Variants in LSAMP observed in about 807,000 individuals in gnomAD.
The protein encoded by LSAMP is limbic system associated membrane protein.
In LSAMP, 7 loss-of-function variants were observed where a neutral mutation model predicts 38.6. The observed-to-expected ratio is 0.18, with a 90% CI of 0.10 to 0.34. The LOEUF (loss-of-function observed/expected upper bound fraction) is 0.34, where lower values mean the gene tolerates loss of function less well. Ranked by LOEUF, LSAMP falls within the 10% of genes least tolerant of loss-of-function variation. LSAMP has a pLI of 1.00. For synonymous variants in LSAMP, 154 were observed against 166.8 expected, an observed-to-expected ratio of 0.92 and a Z score of 0.59; for missense variants, 313 against 420.0, an observed-to-expected ratio of 0.75 and a Z score of 2.23.
At chr3:116,106,785 A>C (rs1432622115) in intron 1 of LSAMP, among the ~76,000 whole-genome samples, 1 of 152,012 alleles carries the variant, frequency 6.6e-6, no homozygotes, top group Non-Finnish European at 1.5e-5. Flanking sequence ...CTAGACTAAG[A>C]GGTATTTTAG....
chr3:116,292,285 C>T (rs148273681), intron 1 of LSAMP, among the ~76,000 whole-genome samples: 369 of 152,224 alleles, frequency 2.4e-3, no homozygotes, highest in Admixed American at 4.3e-3. Context: ...GGTCTCACTA[C>T]GCAAAAGCAG....
At chr3:116,114,092 T>G (rs1034637062) in intron 1 of LSAMP, among the ~76,000 whole-genome samples, 4 of 152,148 alleles carry the variant, frequency 2.6e-5, no homozygotes, top group Admixed American at 1.3e-4. Flanking sequence ...TTCCAGAAAA[T>G]GGCTAACCAA....
At chr3:116,217,459 A>T (rs1276456603) in intron 1 of LSAMP, among the ~76,000 whole-genome samples, 1 of 152,206 alleles carries the variant, frequency 6.6e-6, no homozygotes, top group Non-Finnish European at 1.5e-5. Flanking sequence ...TTGTTTACAA[A>T]TGCACGCATT....
At chr3:115,842,092 G>A (rs1392735169) in intron 5 of LSAMP, 99 bp from the exon 6 acceptor site, 1 of 1,261,300 alleles carries the variant, frequency 7.9e-7, no homozygotes, top group Non-Finnish European at 1.1e-6. Flanking sequence ...AGGAGAGAAA[G>A]GAAGTAGCTA....
chr3:116,000,382 G>T (rs957266241), intron 3 of LSAMP, among the ~76,000 whole-genome samples: 1 of 152,134 alleles, frequency 6.6e-6, no homozygotes, highest in African/African-American at 2.4e-5. Context: ...AGAACCCCTA[G>T]ATAGGGATGA....
At chr3:115,824,114 T>G (rs1934333524) in intron 6 of LSAMP, among the ~76,000 whole-genome samples, 1 of 152,202 alleles carries the variant, frequency 6.6e-6, no homozygotes, top group Non-Finnish European at 1.5e-5. Flanking sequence ...TAATAATCAA[T>G]GAATTGAAAT....
At chr3:116,346,327 C>CTTTTT (rs11391341) in intron 1 of LSAMP, among the ~76,000 whole-genome samples, 3 of 142,280 alleles carry the variant, frequency 2.1e-5, no homozygotes, top group Non-Finnish European at 3.0e-5. Flanking sequence ...TTAGTTTTAT[C>CTTTTT]TTTTTTTTTT....
intron 4 of LSAMP, among the ~76,000 whole-genome samples, chr3:115,845,975 T>C (rs1336474020): frequency 5.3e-5 from 8 of 152,310 alleles, no homozygotes; most frequent in East Asian, 1.9e-4. Flanking sequence ...CTGATAAATA[T>C]ACAAAGAGCT....
At chr3:116,145,889 G>A (rs573646079) in intron 1 of LSAMP, among the ~76,000 whole-genome samples, 1 of 151,860 alleles carries the variant, frequency 6.6e-6, no homozygotes, top group East Asian at 1.9e-4. Flanking sequence ...ATTGACTACA[G>A]TTTTTATTTC....
intron 1 of LSAMP, among the ~76,000 whole-genome samples, chr3:116,251,389 C>T (rs1002308034): frequency 2.2e-4 from 34 of 152,102 alleles, no homozygotes; most frequent in African/African-American, 7.2e-4. Flanking sequence ...CAGAAAGTAC[C>T]TCAATACCAA....
At chr3:116,063,813 A>T (rs1256727544) in intron 2 of LSAMP, among the ~76,000 whole-genome samples, 1 of 152,218 alleles carries the variant, frequency 6.6e-6, no homozygotes, top group Non-Finnish European at 1.5e-5. Flanking sequence ...TTGCAAAAAA[A>T]ACTACAAAAA....
intron 1 of LSAMP, among the ~76,000 whole-genome samples, chr3:116,425,528 CTCT>C (rs917932920): frequency 5.9e-5 from 9 of 152,104 alleles, no homozygotes; most frequent in African/African-American, 1.7e-4. Context: ...GGAGTTTTAC[CTCT>C]TCTTCTTTAA....
chr3:116,223,064 T>A (rs2046306673), intron 1 of LSAMP, among the ~76,000 whole-genome samples: 1 of 151,202 alleles, frequency 6.6e-6, no homozygotes, highest in Non-Finnish European at 1.5e-5. Context: ...GCACAAAGGG[T>A]GTAAAGTATT....
At chr3:116,042,331 G>T (rs913256046) in intron 2 of LSAMP, among the ~76,000 whole-genome samples, 5 of 151,904 alleles carry the variant, frequency 3.3e-5, no homozygotes, top group African/African-American at 1.2e-4. Context: ...TTATTTTATG[G>T]ATGATAAAAT....
intron 1 of LSAMP, among the ~76,000 whole-genome samples, chr3:116,213,222 G>A (rs897625745): frequency 2.0e-5 from 3 of 152,104 alleles, no homozygotes; most frequent in Non-Finnish European, 4.4e-5. Flanking sequence ...GTCCCCACCC[G>A]AATCTCATAT....
At chr3:115,884,244 G>C (rs1337940829) in intron 3 of LSAMP, among the ~76,000 whole-genome samples, 1 of 151,998 alleles carries the variant, frequency 6.6e-6, no homozygotes, top group Non-Finnish European at 1.5e-5. Flanking sequence ...AATGATTTTG[G>C]AGGCTGAATT....
intron 3 of LSAMP, among the ~76,000 whole-genome samples, chr3:115,913,311 C>T (rs756611015): frequency 2.0e-5 from 3 of 152,224 alleles, no homozygotes; most frequent in Non-Finnish European, 4.4e-5. Context: ...TCTCTGACTT[C>T]ATATTCCTCT....
rs191709005 is a variant in LSAMP at position 116,212,796 on chromosome 3, G to T, written c.156-126240C>A. Reference sequence around the variant, plus strand: ...AGGGTTACTTTCATATGTACATAGGGTTACACTCTCACCCAACTACTTGAG... The same window carrying T: ...AGGGTTACTTTCATATGTACATAGGTTTACACTCTCACCCAACTACTTGAG... On this transcript the variant is annotated intron_variant, in intron 1 of 6. Coordinates refer to ENST00000490035, the MANE Select transcript of LSAMP (RefSeq NM_002338.5). Among the ~76,000 whole-genome samples the T allele has an allele frequency of 3.4e-3, 511 of 152,240 alleles. 3 individuals are homozygous for T. Among genetic ancestry groups the T allele is most frequent in the African/African-American group, 0.012 (482 of 41,544 alleles).
intron 1 of LSAMP, among the ~76,000 whole-genome samples, chr3:116,245,706 C>A (rs147727006): frequency 1.5e-3 from 221 of 152,150 alleles, no homozygotes; most frequent in African/African-American, 5.1e-3. Flanking sequence ...TAAGTTAGTT[C>A]ATTAAACACC....
Sources: allele counts gnomAD v4.1 joint callset (sites outside exome capture counted in the v4.1 genomes callset), GRCh38; gene constraint gnomAD v4.1.1; transcripts MANE v1.5; gene names NCBI Gene and HGNC (gene_info 2026-07-23, HGNC 2026-07-21).